Variants in APP observed in about 807,000 individuals in gnomAD.
The protein encoded by APP is amyloid-beta precursor protein.
APP carries 31 observed loss-of-function variants against 101.4 expected under a neutral mutation model. The ratio of observed to expected loss-of-function variants is 0.31; its 90% CI spans 0.23 to 0.41. The LOEUF is 0.41. APP is among the 10% of genes least tolerant of loss of function. The probability of loss-of-function intolerance (pLI) is 1.00; values close to 1 mark genes in which losing one functional copy is unlikely to be tolerated. For missense variants in APP, 839 were observed against 1,003.7 expected, an observed-to-expected ratio of 0.84 and a Z score of 2.22; for synonymous variants, 366 against 364.4, an observed-to-expected ratio of 1.00 and a Z score of -0.05.
Position 25,954,715 on chromosome 21 carries a change from G to T in APP, c.1588-26C>A, listed in dbSNP as rs200090081. ...CTGCATCAAAGGATGACAACTCCAG[G>T]TCAACAATGTCTGGGGGTAGGAATG... On this transcript the variant is annotated intron_variant, in intron 12 of 17. Transcript: ENST00000346798. 1.3e-5 allele frequency: 21 copies of T among 1,558,854 alleles called. No individual in the cohort carries two copies. In the African/African-American group the frequency reaches 2.2e-4, roughly 16 times the overall value.
chr21:25,933,993 TACTTGGAAAC>T (rs2040256374), intron 13 of APP: 1 of 152,158 alleles, frequency 6.6e-6, no homozygotes, highest in Non-Finnish European at 1.5e-5. Flanking sequence ...AATACAGCCT[TACTTGGAAAC>T]AGGGTCTTTG....
rs528191555 is a variant in APP, at chr21:26,060,485, C to T, written c.356-7137G>A. Among the ~76,000 whole-genome samples the T allele has an allele frequency of 2.0e-5, 3 of 152,292 alleles. No individual in the cohort carries two copies. In the South Asian group the frequency reaches 6.2e-4, roughly 32 times the overall value. ...TCACTGCATACTTACAATTATGTCT[C>T]AGTGCTAAGAATACAGCAGTGAACA... On this transcript the variant is annotated intron_variant, in intron 3 of 17. Coordinates refer to ENST00000346798, the MANE Select transcript of APP (RefSeq NM_000484.4).
intron 11 of APP, among the ~76,000 whole-genome samples, chr21:25,958,609 T>C (rs1013747499): frequency 6.6e-6 from 1 of 152,142 alleles, no homozygotes; most frequent in African/African-American, 2.4e-5. Flanking sequence ...CATTTAAAAA[T>C]AAGCACAAAA....
At position 26,143,466 on chromosome 21, in the gene APP, T is replaced by C. The variant is rs528583321; in HGVS notation, c.57+27098A>G. Among the ~76,000 whole-genome samples the C allele has an allele frequency of 4.5e-4, 68 of 152,368 alleles. 1 individual carries two copies. Among genetic ancestry groups the C allele is most frequent in the African/African-American group, 1.3e-3 (54 of 41,594 alleles). ...ACAAAAATTATGTATATTCAATGTA[T>C]ACAACGTGATGTTTTGATATATGTA... On this transcript the variant is annotated intron_variant, in intron 1 of 17. Transcript: ENST00000346798.
At chr21:25,944,889 T>C (rs1200348314) in intron 13 of APP, among the ~76,000 whole-genome samples, 1 of 152,244 alleles carries the variant, frequency 6.6e-6, no homozygotes, top group African/African-American at 2.4e-5. Context: ...GTGGTCTGAC[T>C]TCACTTCCCA....
At chr21:26,024,172 C>T (rs1340067647) in intron 5 of APP, among the ~76,000 whole-genome samples, 2 of 152,130 alleles carry the variant, frequency 1.3e-5, no homozygotes, top group African/African-American at 2.4e-5. Context: ...TTGATCAGAT[C>T]ACAAAACCAA....
intron 2 of APP, among the ~76,000 whole-genome samples, chr21:26,108,529 T>C (rs946434839): frequency 2.0e-5 from 3 of 152,094 alleles, no homozygotes; most frequent in African/African-American, 7.2e-5. Flanking sequence ...GTAGGGGACA[T>C]AGTGATAAAG....
At chr21:25,899,286 TAGCAAGATG>T (rs1308510971) in intron 15 of APP, among the ~76,000 whole-genome samples, 3 of 152,198 alleles carry the variant, frequency 2.0e-5, no homozygotes, top group African/African-American at 7.2e-5. Flanking sequence ...TGGACTTGGG[TAGCAAGATG>T]TCATAGTTTA....
chr21:26,103,131 A>C (rs889984597), intron 2 of APP, among the ~76,000 whole-genome samples: 7 of 152,190 alleles, frequency 4.6e-5, no homozygotes, highest in African/African-American at 1.7e-4. Flanking sequence ...TTGCATGCTT[A>C]ATGTGTTTGG....
At chr21:26,131,575 G>A (rs13048758) in intron 1 of APP, among the ~76,000 whole-genome samples, 147,205 of 152,288 alleles carry the variant, frequency 0.97, 71,282 homozygotes, top group African/African-American at 0.99. Flanking sequence ...ATACTATACT[G>A]AGTATAATTT....
chr21:26,027,668 T>C (rs538546497), intron 5 of APP, among the ~76,000 whole-genome samples: 1 of 152,156 alleles, frequency 6.6e-6, no homozygotes, highest in African/African-American at 2.4e-5. Flanking sequence ...GAGAGGATTC[T>C]AGGGGCCAGC....
At chr21:26,148,467 A>C (rs1449088140) in intron 1 of APP, among the ~76,000 whole-genome samples, 1 of 152,226 alleles carries the variant, frequency 6.6e-6, no homozygotes, top group Non-Finnish European at 1.5e-5. Flanking sequence ...GAGGGACAAA[A>C]CCCAAGGAAA....
chr21:25,950,634 G>A (rs565159310), intron 13 of APP, among the ~76,000 whole-genome samples: 5 of 152,146 alleles, frequency 3.3e-5, no homozygotes, highest in East Asian at 1.9e-4. Context: ...CACTGCCGCC[G>A]GCCTGCAGCT....
At chr21:26,032,259 T>C (rs552236951) in intron 5 of APP, among the ~76,000 whole-genome samples, 209 of 152,174 alleles carry the variant, frequency 1.4e-3, no homozygotes, top group African/African-American at 4.8e-3. Flanking sequence ...GAGAAATCTG[T>C]AGGGTCAAAT....
At chr21:26,010,820 C>CAA (rs58036272) in intron 6 of APP, among the ~76,000 whole-genome samples, 30,977 of 54,740 alleles carry the variant, frequency 0.57, 10,404 homozygotes, top group Non-Finnish European at 0.67. Flanking sequence ...GACTTCGTCT[C>CAA]AAAAAAAAAA....
intron 13 of APP, among the ~76,000 whole-genome samples, chr21:25,918,475 T>C (rs2039464743): frequency 6.6e-6 from 1 of 152,006 alleles, no homozygotes; most frequent in Non-Finnish European, 1.5e-5. Flanking sequence ...GATACCGGGT[T>C]CATCTCACTA....
intron 13 of APP, among the ~76,000 whole-genome samples, chr21:25,953,113 AT>A (rs11306462): frequency 1 from 152,211 of 152,258 alleles, 76,082 homozygotes; most frequent in Middle Eastern, 1. Context: ...TCTTTTTTAA[AT>A]TAGAGAGGGG....
At chr21:26,036,803 T>G (rs2045132549) in intron 5 of APP, among the ~76,000 whole-genome samples, 1 of 152,168 alleles carries the variant, frequency 6.6e-6, no homozygotes, top group Admixed American at 6.5e-5. Context: ...AAAATAGAGC[T>G]ACCATACGAT....
At chr21:26,110,303 G>T (rs1391917730) in intron 2 of APP, among the ~76,000 whole-genome samples, 2 of 152,070 alleles carry the variant, frequency 1.3e-5, no homozygotes, top group Non-Finnish European at 2.9e-5. Flanking sequence ...AAATTTAGCT[G>T]GGCGTGGTGG....
Sources: gnomAD v4.1 joint callset for allele counts (sites outside exome capture counted in the v4.1 genomes callset) on GRCh38, gnomAD v4.1.1 for gene constraint, MANE v1.5 for transcripts, NCBI Gene and HGNC (gene_info 2026-07-23, HGNC 2026-07-21) for gene names.